PCBP3: variants seen among roughly 807,000 people sequenced by gnomAD.
The protein encoded by PCBP3 is poly(rC) binding protein 3.
PCBP3 carries 25 observed loss-of-function variants against 52.7 expected under a neutral mutation model. The ratio of observed to expected loss-of-function variants is 0.47; its 90% confidence interval spans 0.35 to 0.66. PCBP3 has a LOEUF of 0.66. PCBP3 is among the 30% of genes least tolerant of loss of function. The pLI is 0.01. For missense variants in PCBP3, 391 were observed against 490.3 expected (o/e 0.80, Z 1.91); for synonymous variants, 162 against 183.0 (o/e 0.89, Z 0.93).
intron 15 of PCBP3, among the ~76,000 whole-genome samples, chr21:45,933,654 T>G (rs904626147): frequency 2.6e-5 from 4 of 152,228 alleles, no homozygotes; most frequent in African/African-American, 9.6e-5. Context: ...GAACAGAAAC[T>G]CTAGGCTTAT....
chr21:45,813,900 TTGTA>T lies in PCBP3; in HGVS notation c.-125-36058_-125-36055del, dbSNP rs578152225. On this transcript the variant is annotated intron_variant, in intron 4 of 17. Coordinates refer to ENST00000681687, the MANE Select transcript of PCBP3 (RefSeq NM_001384156.1). Reference sequence around the variant, plus strand: ...TCTACATATGTGCAGTATTTTTTGTTTGTATGATGTTCATTGGATAGTCGTGCAT... The same window carrying T: ...TCTACATATGTGCAGTATTTTTTGTTTGATGTTCATTGGATAGTCGTGCAT... Among the ~76,000 whole-genome samples, 6 of 152,370 alleles carry T rather than the reference TTGTA, an allele frequency of 3.9e-5. No individual in the cohort carries two copies. In the East Asian group the frequency reaches 1.2e-3, roughly 29 times the overall value.
intron 2 of PCBP3, among the ~76,000 whole-genome samples, chr21:45,700,007 G>C (rs957880325): frequency 1.3e-5 from 2 of 152,100 alleles, no homozygotes; most frequent in African/African-American, 4.8e-5. Flanking sequence ...TTCACCATTA[G>C]CTCAAATGTC....
At position 45,772,971 on chromosome 21, in the gene PCBP3, TGTTA is replaced by T. The variant is rs1364549505; in HGVS notation, c.-126+17522_-126+17525del. On this transcript the variant is annotated intron_variant, in intron 4 of 17. Transcript: ENST00000681687. Reference sequence around the variant, plus strand: ...GATTGAGTTCCCTTTATATTCTGGATGTTAGTCCTCTGTCAGAAGAATAATTTGC... The same window carrying T: ...GATTGAGTTCCCTTTATATTCTGGATGTCCTCTGTCAGAAGAATAATTTGC... Among the ~76,000 whole-genome samples the T allele has an allele frequency of 2.0e-4, 31 of 152,198 alleles. 1 individual carries two copies. The highest frequency in any genetic ancestry group is 2.0e-3 in the Admixed American group (31 of 15,282).
intron 9 of PCBP3, among the ~76,000 whole-genome samples, chr21:45,906,457 G>T (rs1220122412): frequency 6.6e-6 from 1 of 152,146 alleles, no homozygotes; most frequent in Non-Finnish European, 1.5e-5. Flanking sequence ...GGGTCGGGAA[G>T]GCCTTGGACA....
At chr21:45,860,080 G>T (rs1283266894) in intron 5 of PCBP3, among the ~76,000 whole-genome samples, 1 of 152,160 alleles carries the variant, frequency 6.6e-6, no homozygotes, top group East Asian at 1.9e-4. Flanking sequence ...CATTGTGGAT[G>T]GGGTCTAACC....
At chr21:45,832,219 G>A (rs925896814) in intron 4 of PCBP3, among the ~76,000 whole-genome samples, 1 of 152,234 alleles carries the variant, frequency 6.6e-6, no homozygotes, top group Non-Finnish European at 1.5e-5. Flanking sequence ...TGTTGCCATG[G>A]CATTTGTAAA....
chr21:45,646,471 T>A (rs538239912), intron 1 of PCBP3, among the ~76,000 whole-genome samples: 41 of 152,296 alleles, frequency 2.7e-4, no homozygotes, highest in African/African-American at 9.6e-4. Context: ...TTTGTTTTCT[T>A]TTGCTTATAA....
At chr21:45,744,019 A>T (rs1268961688) in intron 3 of PCBP3, among the ~76,000 whole-genome samples, 1 of 151,324 alleles carries the variant, frequency 6.6e-6, no homozygotes, top group African/African-American at 2.4e-5. Flanking sequence ...ATGGTTATTG[A>T]TTTTATACAC....
chr21:45,931,716 C>CGTG (rs2076201490), intron 15 of PCBP3, among the ~76,000 whole-genome samples: 1 of 134,444 alleles, frequency 7.4e-6, no homozygotes, highest in African/African-American at 3.4e-5. Flanking sequence ...CTGAGATGAA[C>CGTG]AAACACGTCG....
intron 5 of PCBP3, among the ~76,000 whole-genome samples, chr21:45,860,502 C>T (rs2094468926): frequency 6.6e-6 from 1 of 152,170 alleles, no homozygotes; most frequent in Non-Finnish European, 1.5e-5. Context: ...CTCTTTCTAC[C>T]GAAATGGTTG....
chr21:45,763,390 C>T (rs1367287393), intron 4 of PCBP3: 1 of 152,492 alleles, frequency 6.6e-6, no homozygotes, highest in East Asian at 1.9e-4. Flanking sequence ...CGCTTCTCAG[C>T]TGTAGGGCTC....
chr21:45,797,448 GAGAGTGAATGCATGGA>G (rs1569235005), intron 4 of PCBP3, among the ~76,000 whole-genome samples: 10 of 2,414 alleles, frequency 4.1e-3, no homozygotes, highest in Middle Eastern at 0.12. Flanking sequence ...TGGATCCACA[GAGAGTGAATGCATGGA>G]TAGACGAGTG....
At chr21:45,711,932 A>C (rs2083868399) in intron 2 of PCBP3, among the ~76,000 whole-genome samples, 1 of 152,136 alleles carries the variant, frequency 6.6e-6, no homozygotes, top group African/African-American at 2.4e-5. Context: ...TCATCTCTTT[A>C]TCTCTGCCCC....
intron 4 of PCBP3, among the ~76,000 whole-genome samples, chr21:45,813,109 C>T (rs2092727449): frequency 6.6e-6 from 1 of 152,154 alleles, no homozygotes; most frequent in South Asian, 2.1e-4. Context: ...TTAACTTTTT[C>T]CCATTTCAGT....
chr21:45,846,641 T>A (rs1255855440), intron 4 of PCBP3, among the ~76,000 whole-genome samples: 1 of 152,220 alleles, frequency 6.6e-6, no homozygotes, highest in East Asian at 1.9e-4. Context: ...TTCCCCAACA[T>A]CTATAGTTTC....
Position 45,644,496 on chromosome 21 carries a change from C to G in PCBP3, c.-279+628C>G, listed in dbSNP as rs1240513729. On this transcript the variant is annotated intron_variant, in intron 1 of 17. Coordinates refer to ENST00000681687, the MANE Select transcript of PCBP3 (RefSeq NM_001384156.1). ...CGTGTTCTAATTGGAAGTCTTGTTT[C>G]GTGAAAGAGTTTTTTTCTTTTTTTT... 5.2e-5 allele frequency among the ~76,000 whole-genome samples: 7 copies of G among 133,988 alleles called. No homozygotes were observed. In the Admixed American group the frequency reaches 5.2e-4, roughly 10 times the overall value. 87.9% of individuals were successfully genotyped at this position (133,988 alleles called of 152,430 possible). A position where few individuals can be genotyped will look rare whatever the true frequency, so the allele number is the denominator to read the frequency against.
chr21:45,924,600 A>G (rs376890145), intron 13 of PCBP3, among the ~76,000 whole-genome samples: 145 of 26,066 alleles, frequency 5.6e-3, no homozygotes, highest in Admixed American at 9.1e-3. Context: ...CACACGTAAG[A>G]TCGGGTGTGC....
intron 5 of PCBP3, chr21:45,871,786 C>G (rs1220965437): frequency 1.3e-5 from 2 of 152,296 alleles, no homozygotes; most frequent in African/African-American, 4.8e-5. Context: ...CCTCTCTCCT[C>G]AGAGCCCCAG....
chr21:45,924,042 A>G (rs1603517832), intron 13 of PCBP3, among the ~76,000 whole-genome samples: 8 of 129,302 alleles, frequency 6.2e-5, no homozygotes, highest in Admixed American at 5.8e-4. Flanking sequence ...CACCGGGAAC[A>G]GTCGAGTGGG....
Sources: gnomAD v4.1 joint callset for allele counts (sites outside exome capture counted in the v4.1 genomes callset) on GRCh38, gnomAD v4.1.1 for gene constraint, MANE v1.5 for transcripts, NCBI Gene and HGNC (gene_info 2026-07-23, HGNC 2026-07-21) for gene names.